The following FLT1 variants were observed in gnomAD, a reference collection of about 807,000 sequenced individuals.
FLT1 encodes vascular endothelial growth factor receptor 1.
FLT1 carries 49 observed loss-of-function variants against 156.3 expected under a neutral mutation model. That is an observed-to-expected ratio of 0.31 (90% CI 0.25 to 0.40). FLT1 has a LOEUF of 0.40. FLT1 is among the 10% of genes least tolerant of loss of function. FLT1 has a pLI of 1.00. For synonymous variants in FLT1, 594 were observed against 583.8 expected (o/e 1.02, Z -0.25); for missense variants, 1,322 against 1,637.2 (o/e 0.81, Z 3.32).
chr13:28,485,834 A>C (rs1486986839), intron 1 of FLT1, among the ~76,000 whole-genome samples: 1 of 152,152 alleles, frequency 6.6e-6, no homozygotes, highest in Non-Finnish European at 1.5e-5. Context: ...CAGGCTACTG[A>C]ATGAGGAAAG....
rs57608920 is a variant in FLT1, at chr13:28,372,566, G to GTA, written c.2116+12317_2116+12318dup. On this transcript the variant is annotated intron_variant, in intron 14 of 29. Coordinates refer to ENST00000282397, the MANE Select transcript of FLT1 (RefSeq NM_002019.4). ...CATATATTCCTCGTTTAAATAAAAT[G>GTA]TATATATATATATATATATATATAT... is the stretch of plus-strand genomic sequence containing the variant. 8.0e-3 allele frequency among the ~76,000 whole-genome samples: 732 copies of GTA among 91,366 alleles called. 18 individuals are homozygous for GTA. The highest frequency in any genetic ancestry group is 0.019 in the African/African-American group (509 of 26,832). 59.9% of individuals were successfully genotyped at this position (91,366 alleles called of 152,430 possible). A position where few individuals can be genotyped will look rare whatever the true frequency, so the allele number is the denominator to read the frequency against.
chr13:28,460,435 G>T (rs1361159901), intron 3 of FLT1, among the ~76,000 whole-genome samples: 1 of 152,120 alleles, frequency 6.6e-6, no homozygotes, highest in Non-Finnish European at 1.5e-5. Context: ...CAAACAACAG[G>T]GCCTTGTGTG....
At chr13:28,465,182 A>G (rs1879783104) in intron 3 of FLT1, among the ~76,000 whole-genome samples, 1 of 152,040 alleles carries the variant, frequency 6.6e-6, no homozygotes, top group Non-Finnish European at 1.5e-5. Flanking sequence ...ACCCTTCCTC[A>G]TTCCTGCCTA....
chr13:28,406,924 G>A (rs1875839434), intron 10 of FLT1, among the ~76,000 whole-genome samples: 1 of 152,164 alleles, frequency 6.6e-6, no homozygotes, highest in Admixed American at 6.5e-5. Context: ...AGGGAATGTG[G>A]TCAGAAAAAC....
At chr13:28,337,028 G>A (rs754033329) in intron 17 of FLT1, among the ~76,000 whole-genome samples, 3 of 152,062 alleles carry the variant, frequency 2.0e-5, no homozygotes, top group African/African-American at 7.2e-5. Flanking sequence ...GATTACAAGC[G>A]TGAGCCACCA....
At chr13:28,386,601 C>A in intron 13 of FLT1, 1 of 1,055,278 alleles carries the variant, frequency 9.5e-7, no homozygotes, top group Non-Finnish European at 1.1e-6. Flanking sequence ...CAGAACGTTA[C>A]GATATTTCTG....
At chr13:28,311,414 G>C (rs886568897) in intron 27 of FLT1, among the ~76,000 whole-genome samples, 176 bp downstream of exon 27, 4 of 152,196 alleles carry the variant, frequency 2.6e-5, no homozygotes, top group Non-Finnish European at 4.4e-5. Context: ...GTTAACAGTT[G>C]AATTTAGGGG....
intron 3 of FLT1, among the ~76,000 whole-genome samples, chr13:28,442,555 C>A (rs1251682069): frequency 1.3e-5 from 2 of 152,152 alleles, no homozygotes; most frequent in African/African-American, 2.4e-5. Flanking sequence ...AATTTCAGCA[C>A]TGGGTCCACT....
intron 1 of FLT1, among the ~76,000 whole-genome samples, chr13:28,473,888 T>A (rs958979325): frequency 6.6e-6 from 1 of 151,602 alleles, no homozygotes; most frequent in Non-Finnish European, 1.5e-5. Context: ...ATCTGATGAA[T>A]GGGTAAATAA....
intron 17 of FLT1, among the ~76,000 whole-genome samples, chr13:28,334,523 AT>A (rs1458864343): frequency 6.6e-6 from 1 of 152,088 alleles, no homozygotes; most frequent in Non-Finnish European, 1.5e-5. Flanking sequence ...ATTTACAGTC[AT>A]TTTTCTCTCA....
At chr13:28,363,117 A>G (rs1873170395) in intron 14 of FLT1, among the ~76,000 whole-genome samples, 1 of 152,164 alleles carries the variant, frequency 6.6e-6, no homozygotes, top group Non-Finnish European at 1.5e-5. Context: ...TTTCTCTAAT[A>G]CCTTAATCTG....
intron 16 of FLT1, among the ~76,000 whole-genome samples, chr13:28,341,943 T>C (rs998149794): frequency 1.3e-5 from 2 of 152,162 alleles, no homozygotes; most frequent in Non-Finnish European, 2.9e-5. Flanking sequence ...AGTGCAGCGA[T>C]ATGATCTCAG....
In FLT1 at chr13:28,381,560, A is replaced by AAAAC. The variant is rs567453602; in HGVS notation, c.2116+3321_2116+3324dup. 1.5e-3 allele frequency among the ~76,000 whole-genome samples: 227 copies of AAAAC among 152,316 alleles called. 2 individuals are homozygous for AAAAC. The highest frequency in any genetic ancestry group is 5.2e-3 in the African/African-American group (216 of 41,562). ...GGCGACAGAGCAAGACTCCATCTCA[A>AAAAC]AAACAAACAAACAAACAAAACAAAA... On this transcript the variant is annotated intron_variant, in intron 14 of 29. Transcript: ENST00000282397.
chr13:28,380,825 C>T (rs1208750155), intron 14 of FLT1, among the ~76,000 whole-genome samples: 1 of 152,094 alleles, frequency 6.6e-6, no homozygotes, highest in African/African-American at 2.4e-5. Context: ...GGTCAGAAGG[C>T]AGCATTGAAC....
At chr13:28,394,757 GC>G in intron 12 of FLT1, among the ~76,000 whole-genome samples, 1 of 152,284 alleles carries the variant, frequency 6.6e-6, no homozygotes, top group Middle Eastern at 3.4e-3. Flanking sequence ...AAGTGAGCAT[GC>G]CTACCGACAG....
At chr13:28,386,543 C>T (rs907159781) in intron 13 of FLT1, 5 of 1,052,888 alleles carry the variant, frequency 4.7e-6, no homozygotes, top group Non-Finnish European at 4.6e-6. Flanking sequence ...AGCAATGATT[C>T]TTTTGCCTCT....
chr13:28,492,680 G>A (rs1382186127), intron 1 of FLT1, among the ~76,000 whole-genome samples: 1 of 152,188 alleles, frequency 6.6e-6, no homozygotes, highest in African/African-American at 2.4e-5. Context: ...TCTGCAGTGG[G>A]GAACCGTGGC....
chr13:28,412,331 T>TTCTTTCTTTCC (rs1876272709), intron 10 of FLT1, among the ~76,000 whole-genome samples: 6 of 51,494 alleles, frequency 1.2e-4, no homozygotes, highest in Non-Finnish European at 2.0e-4. Flanking sequence ...CTTTCTTTCT[T>TTCTTTCTTTCC]TTCTTTCTTT....
intron 1 of FLT1, among the ~76,000 whole-genome samples, chr13:28,476,179 A>T (rs534072163): frequency 1.3e-5 from 2 of 152,252 alleles, no homozygotes; most frequent in South Asian, 4.1e-4. Context: ...TTTTCTCTCC[A>T]TGAGAACGTC....
Sources: gnomAD v4.1 joint callset for allele counts (sites outside exome capture counted in the v4.1 genomes callset) on GRCh38, gnomAD v4.1.1 for gene constraint, MANE v1.5 for transcripts, NCBI Gene and HGNC (gene_info 2026-07-23, HGNC 2026-07-21) for gene names.